Variants in ZHX2 observed in about 807,000 individuals in gnomAD.
The protein encoded by ZHX2 is zinc fingers and homeoboxes 2.
A neutral mutation model predicts 21.9 loss-of-function variants in ZHX2; 6 were observed. That is an observed-to-expected ratio of 0.27 (90% CI 0.15 to 0.54). The LOEUF (loss-of-function observed/expected upper bound fraction) is 0.54, where lower values mean the gene tolerates loss of function less well. Among genes scored for constraint, ZHX2 ranks in the 20% least tolerant of loss-of-function variants. The pLI is 0.95. For missense variants in ZHX2, 908 were observed against 1,090.7 expected (o/e 0.83, Z 2.36); for synonymous variants, 434 against 437.1 (o/e 0.99, Z 0.09).
chr8:122,838,019 C>T (rs551025833), intron 1 of ZHX2, among the ~76,000 whole-genome samples: 38 of 152,200 alleles, frequency 2.5e-4, no homozygotes, highest in Admixed American at 7.9e-4. Context: ...TGGAAGAGCC[C>T]GTTGAGCTTT....
chr8:122,866,092 A>G (rs1256100461), intron 2 of ZHX2, among the ~76,000 whole-genome samples: 1 of 152,222 alleles, frequency 6.6e-6, no homozygotes, highest in Non-Finnish European at 1.5e-5. Context: ...GGACACCCTT[A>G]CTATCCTCCT....
chr8:122,943,315 A>T (rs1231427076), intron 2 of ZHX2, among the ~76,000 whole-genome samples: 2 of 152,204 alleles, frequency 1.3e-5, no homozygotes, highest in Non-Finnish European at 2.9e-5. Flanking sequence ...CCTACGCCAG[A>T]CACACTGAAT....
At chr8:122,784,134 G>C (rs1249533982) in intron 1 of ZHX2, among the ~76,000 whole-genome samples, 1 of 152,246 alleles carries the variant, frequency 6.6e-6, no homozygotes, top group Non-Finnish European at 1.5e-5. Flanking sequence ...TGTAAGTGCA[G>C]TGTATCTTGA....
chr8:122,821,258 A>G (rs924462233), intron 1 of ZHX2, among the ~76,000 whole-genome samples: 3 of 152,148 alleles, frequency 2.0e-5, no homozygotes, highest in African/African-American at 7.2e-5. Context: ...CCAGCCCTGC[A>G]TGGACGGGAA....
intron 1 of ZHX2, among the ~76,000 whole-genome samples, chr8:122,807,401 T>A (rs1444638921): frequency 6.6e-6 from 1 of 152,328 alleles, no homozygotes; most frequent in Non-Finnish European, 1.5e-5. Context: ...ATTTCCAGAC[T>A]GCATGGGAAG....
intron 2 of ZHX2, among the ~76,000 whole-genome samples, chr8:122,895,661 A>G (rs956415): frequency 0.013 from 2,000 of 152,118 alleles, 52 homozygotes; most frequent in Admixed American, 0.058. Flanking sequence ...CTGTGTTAAG[A>G]TGCAGGACAA....
chr8:122,786,578 A>G (rs7012618), intron 1 of ZHX2, among the ~76,000 whole-genome samples: 19,223 of 152,236 alleles, frequency 0.13, 2,552 homozygotes, highest in African/African-American at 0.33. Flanking sequence ...GTGCTCAACA[A>G]ATCACCGTCA....
chr8:122,788,845 G>A (rs186273893), intron 1 of ZHX2, among the ~76,000 whole-genome samples: 104 of 152,296 alleles, frequency 6.8e-4, no homozygotes, highest in African/African-American at 2.4e-3. Context: ...ATGAGTGTGT[G>A]TGCACGTGTG....
intron 1 of ZHX2, among the ~76,000 whole-genome samples, chr8:122,842,560 C>G (rs1818660809): frequency 6.6e-6 from 1 of 152,098 alleles, no homozygotes; most frequent in South Asian, 2.1e-4. Context: ...AAAAAAATAG[C>G]CAGGGGCATG....
At chr8:122,902,926 C>T (rs1274831507) in intron 2 of ZHX2, among the ~76,000 whole-genome samples, 1 of 152,160 alleles carries the variant, frequency 6.6e-6, no homozygotes, top group African/African-American at 2.4e-5. Context: ...TAATGGGAAG[C>T]TGGATTCCCA....
chr8:122,795,299 C>T (rs568248999), intron 1 of ZHX2, among the ~76,000 whole-genome samples: 7 of 152,366 alleles, frequency 4.6e-5, no homozygotes, highest in African/African-American at 1.7e-4. Flanking sequence ...CAGTGTCTAT[C>T]CCAGGCCAGC....
intron 2 of ZHX2, among the ~76,000 whole-genome samples, chr8:122,864,420 A>C (rs751002435): frequency 1.9e-4 from 29 of 152,008 alleles, no homozygotes; most frequent in Non-Finnish European, 3.8e-4. Context: ...CAATGCACAT[A>C]TCATAGACAT....
chr8:122,930,602 G>C (rs1820960613), intron 2 of ZHX2, among the ~76,000 whole-genome samples: 1 of 148,574 alleles, frequency 6.7e-6, no homozygotes, highest in South Asian at 2.1e-4. Context: ...CACCCAAATA[G>C]ATGGGGTTAC....
intron 2 of ZHX2, among the ~76,000 whole-genome samples, chr8:122,948,099 G>A (rs1278156963): frequency 6.6e-6 from 1 of 152,176 alleles, no homozygotes; most frequent in Non-Finnish European, 1.5e-5. Context: ...CACTAGCCGG[G>A]GAATGGCCCT....
At chr8:122,852,864 C>T (rs1296859878) in intron 1 of ZHX2, among the ~76,000 whole-genome samples, 1 of 151,858 alleles carries the variant, frequency 6.6e-6, no homozygotes, top group Non-Finnish European at 1.5e-5. Context: ...AAAATAAGAG[C>T]CCCGGGTGCA....
chr8:122,966,543 C>T (rs1224592464), intron 3 of ZHX2, among the ~76,000 whole-genome samples: 1 of 152,134 alleles, frequency 6.6e-6, no homozygotes, highest in Non-Finnish European at 1.5e-5. Context: ...GATAGGTTTT[C>T]CTTTATAGGT....
intron 2 of ZHX2, among the ~76,000 whole-genome samples, chr8:122,878,117 A>T (rs530295262): frequency 5.2e-4 from 79 of 152,040 alleles, no homozygotes; most frequent in Non-Finnish European, 1.1e-3. Flanking sequence ...ATTTCTTGCC[A>T]GTACCTCCAA....
rs1170623335 is a variant in ZHX2, at chr8:122,886,073, A to C, written c.-220+22534A>C. On this transcript the variant is annotated intron_variant, in intron 2 of 3. Transcript: ENST00000314393. Reference sequence around the variant, plus strand: ...GTAATATGTGCTAAAAATTAGAAACAACCAGAATGCCCTTCAGTAGGTGAA... The same window carrying C: ...GTAATATGTGCTAAAAATTAGAAACCACCAGAATGCCCTTCAGTAGGTGAA... 6.6e-5 allele frequency among the ~76,000 whole-genome samples: 10 copies of C among 152,346 alleles called. No homozygotes were observed. The East Asian group carries it at 1.7e-3, about 26-fold the overall frequency.
chr8:122,843,540 C>T (rs927983115), intron 1 of ZHX2, among the ~76,000 whole-genome samples: 3 of 152,188 alleles, frequency 2.0e-5, no homozygotes, highest in Non-Finnish European at 2.9e-5. Context: ...GCTGAGTGCT[C>T]ACTTTTAAGG....
Sources: allele counts gnomAD v4.1 joint callset (sites outside exome capture counted in the v4.1 genomes callset), GRCh38; gene constraint gnomAD v4.1.1; transcripts MANE v1.5; gene names NCBI Gene and HGNC (gene_info 2026-07-23, HGNC 2026-07-21).